Variants in FNDC1 observed in about 807,000 individuals in gnomAD.
FNDC1 encodes the protein fibronectin type III domain containing 1.
In FNDC1, 96 loss-of-function variants were observed where a neutral mutation model predicts 168.0. The observed-to-expected ratio is 0.57, with a 90% CI of 0.48 to 0.68. The LOEUF is 0.68. Ranked by LOEUF, FNDC1 falls within the 30% of genes least tolerant of loss-of-function variation. The probability of loss-of-function intolerance (pLI) is 0.00; values close to 1 mark genes in which losing one functional copy is unlikely to be tolerated. For synonymous variants in FNDC1, 1,099 were observed against 1,025.9 expected (o/e 1.07, Z -1.36); for missense variants, 2,587 against 2,482.1 (o/e 1.04, Z -0.90).
At chr6:159,268,586 T>C (rs1583927833) in intron 22 of FNDC1, among the ~76,000 whole-genome samples, 1 of 151,458 alleles carries the variant, frequency 6.6e-6, no homozygotes. Context: ...CATCTATCCG[T>C]CTCTCTCTCT....
At chr6:159,172,319 CTA>C (rs1040721176) in intron 1 of FNDC1, among the ~76,000 whole-genome samples, 25 of 152,298 alleles carry the variant, frequency 1.6e-4, no homozygotes, top group African/African-American at 5.8e-4. Context: ...AACAGACAAA[CTA>C]GAGCTATTCT....
At chr6:159,192,581 GTGT>G (rs1458619411) in intron 1 of FNDC1, among the ~76,000 whole-genome samples, 3 of 152,224 alleles carry the variant, frequency 2.0e-5, no homozygotes, top group Non-Finnish European at 2.9e-5. Context: ...TGGACAGGTG[GTGT>G]TGTCTGAACC....
At chr6:159,246,141 T>G (rs996803404) in intron 14 of FNDC1, among the ~76,000 whole-genome samples, 1 of 152,256 alleles carries the variant, frequency 6.6e-6, no homozygotes, top group Non-Finnish European at 1.5e-5. Context: ...ACATTTAAAG[T>G]ATAATTCTGT....
intron 4 of FNDC1, among the ~76,000 whole-genome samples, chr6:159,213,382 G>A (rs1782644791): frequency 6.6e-6 from 1 of 152,158 alleles, no homozygotes. Context: ...CCGACCCTCA[G>A]GAAATTTCAA....
Position 159,239,948 on chromosome 6 carries a change from G to C in FNDC1, c.4612G>C (p.Ala1538Pro). Reference sequence around the variant, plus strand: ...CTCCAATGGGATCCCAGAGTGCTACGCTGAAGAAGGTAACTGCCTTTGTTC... The same window carrying C: ...CTCCAATGGGATCCCAGAGTGCTACCCTGAAGAAGGTAACTGCCTTTGTTC... ...MSSNGIPECY[A>P]EEDEFSGLET... Residue 1538 changes from alanine to proline, a missense_variant, in exon 14 of 23, where the codon GCT becomes CCT. By Grantham distance (27) the Ala-to-Pro change is conservative (BLOSUM62 -1). Coordinates refer to ENST00000297267, the MANE Select transcript of FNDC1 (RefSeq NM_032532.3). The C allele has an allele frequency of 6.8e-7, 1 of 1,479,840 alleles. No homozygotes were observed. The highest frequency in any genetic ancestry group is 9.0e-7 in the Non-Finnish European group (1 of 1,109,392). The allele number at this position is 1,479,840 out of a possible 1,614,324, so 91.7% of individuals were successfully genotyped here.
chr6:159,233,603 C>A lies in FNDC1; in HGVS notation c.3091C>A (p.Pro1031Thr). Residue 1031 changes from proline (P) to threonine (T), a missense_variant, in exon 11 of 23, where the codon CCC (proline) becomes ACC (threonine). Pro to Thr is a conservative substitution (Grantham distance 38). Transcript: ENST00000297267. This position sits in a 1 kb window ranked among gnomAD's most constrained non-coding sequence, Gnocchi z 4.6. ...SRDAGRSPSQ[P>T]RLSLTQAGRP... Reference sequence around the variant, plus strand: ...AGACGCGGGTCGGTCACCTTCCCAGCCCAGGCTCTCACTGACCCAGGCCGG... The same window carrying A: ...AGACGCGGGTCGGTCACCTTCCCAGACCAGGCTCTCACTGACCCAGGCCGG... 1 of 1,577,382 alleles carries A rather than the reference C, an allele frequency of 6.3e-7. No homozygotes were observed. The highest frequency in any genetic ancestry group is 8.6e-7 in the Non-Finnish European group (1 of 1,164,738).
Position 159,267,816 on chromosome 6 carries a change from G to A in FNDC1, c.5459G>A (p.Ser1820Asn), listed in dbSNP as rs61741925. The stretch of plus-strand genomic sequence containing the variant: ...TTCCTTCATGCAGATACATTCTACA[G>A]CATTGGAGACAGCTGGGGAAGAGGT... Reference protein sequence around the residue: ...LSDNLKDTFYSIGDSWGRGED... With the variant: ...LSDNLKDTFYNIGDSWGRGED... The change falls in exon 22 of 23, where the codon AGC (serine) becomes AAC (asparagine). Residue 1820 changes from serine to asparagine, a missense_variant. Physicochemically the swap from Ser to Asn is conservative, Grantham distance 46. Coordinates refer to ENST00000297267, the MANE Select transcript of FNDC1 (RefSeq NM_032532.3). The A allele has an allele frequency of 2.2e-3, 3,599 of 1,613,808 alleles. 69 individuals carry two copies. In the African/African-American group the frequency reaches 0.043, roughly 19 times the overall value.
At chr6:159,269,503 C>CATCCATCCATCCATCCATCT (rs1583930428) in intron 22 of FNDC1, among the ~76,000 whole-genome samples, 5 of 108,388 alleles carry the variant, frequency 4.6e-5, no homozygotes, top group Middle Eastern at 4.6e-3. Context: ...TCTATCTATC[C>CATCCATCCATCCATCCATCT]ATCCATCCAT....
At chr6:159,226,842 A>G (rs1782964357) in intron 9 of FNDC1, among the ~76,000 whole-genome samples, 1 of 152,212 alleles carries the variant, frequency 6.6e-6, no homozygotes, top group African/African-American at 2.4e-5. Context: ...GGGTGTGACA[A>G]CATAACCTTT....
chr6:159,265,788 T>G (rs1334951047), intron 20 of FNDC1, among the ~76,000 whole-genome samples: 1 of 151,842 alleles, frequency 6.6e-6, no homozygotes, highest in African/African-American at 2.4e-5. Flanking sequence ...ATTAGCCGGG[T>G]GTGGTGGCGT....
In FNDC1 at chr6:159,271,419, G is replaced by A. The variant is rs778103370; in HGVS notation, c.5662G>A (p.Val1888Ile). ...YYYVGWYECG[V>I]SIPGKW ...CTATGTGGGCTGGTACGAGTGTGGG[G>A]TCTCCATCCCTGGAAAGTGGTAATC... Residue 1888 changes from valine (V) to isoleucine (I), a missense_variant, in exon 23 of 23, where the codon GTC becomes ATC. Physicochemically the swap from Val to Ile is conservative, Grantham distance 29 (BLOSUM62 3). Coordinates refer to ENST00000297267, the MANE Select transcript of FNDC1 (RefSeq NM_032532.3). 3.1e-6 allele frequency: 5 copies of A among 1,610,606 alleles called. No individual in the cohort carries two copies. Among genetic ancestry groups the A allele is most frequent in the African/African-American group, 2.7e-5 (2 of 74,848 alleles).
At chr6:159,170,527 C>T (rs1274929364) in intron 1 of FNDC1, among the ~76,000 whole-genome samples, 1 of 152,144 alleles carries the variant, frequency 6.6e-6, no homozygotes, top group South Asian at 2.1e-4. Flanking sequence ...GCCCTTGTTA[C>T]CACCTCCTTT....
intron 6 of FNDC1, 56 bp downstream of exon 6, chr6:159,221,752 G>T (rs1196769373): frequency 1.6e-6 from 2 of 1,267,094 alleles, no homozygotes; most frequent in Non-Finnish European, 2.3e-6. Flanking sequence ...ATGCTATGTT[G>T]TTTCCAAATG....
intron 1 of FNDC1, among the ~76,000 whole-genome samples, chr6:159,193,288 C>T (rs990149527): frequency 2.6e-5 from 4 of 152,146 alleles, no homozygotes; most frequent in Admixed American, 6.5e-5. Context: ...AATTTCTTTT[C>T]GTCACCGGAA....
At chr6:159,215,962 T>C (rs1316932524) in intron 5 of FNDC1, among the ~76,000 whole-genome samples, 2 of 152,020 alleles carry the variant, frequency 1.3e-5, no homozygotes, top group East Asian at 3.9e-4. Flanking sequence ...GGTCAATACA[T>C]TGTATCTTTT....
At chr6:159,248,902 T>C in intron 15 of FNDC1, 137 bp from the exon 16 acceptor site, 1 of 708,820 alleles carries the variant, frequency 1.4e-6, no homozygotes, top group East Asian at 3.1e-5. Flanking sequence ...AGCATTTATT[T>C]TAGGGTGTGT....
intron 4 of FNDC1, among the ~76,000 whole-genome samples, chr6:159,206,140 G>C (rs1782481690): frequency 6.6e-6 from 1 of 152,252 alleles, no homozygotes; most frequent in Non-Finnish European, 1.5e-5. Flanking sequence ...GGCAAAGCAA[G>C]GGCTCCACCA....
At position 159,233,749 on chromosome 6, in the gene FNDC1, C is replaced by T; in HGVS notation, c.3237C>T (p.Tyr1079=). The T allele has an allele frequency of 1.3e-6, 2 of 1,547,760 alleles. No individual in the cohort carries two copies. The highest frequency in any genetic ancestry group is 1.7e-6 in the Non-Finnish European group (2 of 1,145,834). Residue 1079 remains tyrosine (Y), a synonymous_variant, in exon 11 of 23, where the codon TAC becomes TAT. Coordinates refer to ENST00000297267, the MANE Select transcript of FNDC1 (RefSeq NM_032532.3). The surrounding 1 kb of genome is among the most constrained non-coding windows in gnomAD (Gnocchi z 4.6). ...QNQDEDAQGS[Y]DDDSTEVEAQ... ...AGGACGAGGATGCCCAGGGCAGCTA[C>T]GACGACGACAGCACAGAAGTCGAGG...
At chr6:159,245,144 G>A (rs974874989) in intron 14 of FNDC1, among the ~76,000 whole-genome samples, 1 of 152,120 alleles carries the variant, frequency 6.6e-6, no homozygotes, top group Non-Finnish European at 1.5e-5. Flanking sequence ...AGAACAGCAT[G>A]GGGGAAACTG....
Sources: gnomAD v4.1 joint callset for allele counts (sites outside exome capture counted in the v4.1 genomes callset) on GRCh38, gnomAD v4.1.1 for gene constraint, Gnocchi (gnomAD v3.1) non-coding constraint, MANE v1.5 for transcripts, NCBI Gene and HGNC (gene_info 2026-07-23, HGNC 2026-07-21) for gene names.